The following SLC35A5 variants were observed in gnomAD, a reference collection of about 807,000 sequenced individuals.
SLC35A5 encodes the protein solute carrier family 35 member A5.
A neutral mutation model predicts 36.3 loss-of-function variants in SLC35A5; 28 were observed. That is an observed-to-expected ratio of 0.77 (90% confidence interval 0.57 to 1.06). The LOEUF (loss-of-function observed/expected upper bound fraction) is 1.06, where lower values mean the gene tolerates loss of function less well. Among genes scored for constraint, SLC35A5 ranks in the 50% least tolerant of loss-of-function variants. SLC35A5 has a pLI of 0.00. For missense variants in SLC35A5, 521 were observed against 499.3 expected (o/e 1.04, Z -0.41); for synonymous variants, 180 against 173.7 (o/e 1.04, Z -0.29).
chr3:112,581,758 G>A (rs1472363764), intron 6 of SLC35A5, among the ~76,000 whole-genome samples: 1 of 152,172 alleles, frequency 6.6e-6, no homozygotes. Context: ...TGTGAGAGAA[G>A]TTGGCCTTTC....
intron 2 of SLC35A5, chr3:112,564,507 G>A (rs1262947544): frequency 6.6e-6 from 1 of 152,192 alleles, no homozygotes; most frequent in East Asian, 1.9e-4. Flanking sequence ...TATACAATCG[G>A]GTTTTACTCC....
At chr3:112,561,582 T>C, upstream of SLC35A5, 1 of 1,564,820 alleles carries the variant, frequency 6.4e-7, no homozygotes, top group Non-Finnish European at 8.7e-7. Context: ...TGCAGCCGTG[T>C]CAGGGGCCAG....
chr3:112,561,658 ACGGGACGCGACGCGACGGGACGGG>A (rs1168336277), upstream of SLC35A5: 1 of 887,038 alleles, frequency 1.1e-6, no homozygotes, highest in Admixed American at 2.6e-5. Flanking sequence ...ACCCGAGGGG[ACGGGACGCGACGCGACGGGACGGG>A]CGGGACGAGG....
At chr3:112,580,497 G>C in intron 5 of SLC35A5, 49 bp from the exon 6 acceptor site, 1 of 1,522,726 alleles carries the variant, frequency 6.6e-7, no homozygotes, top group South Asian at 1.3e-5. Flanking sequence ...AGAAACTATT[G>C]ATATGGGGGG....
Position 112,570,548 on chromosome 3 carries a change from A to C in SLC35A5, c.238A>C (p.Ser80Arg). The C allele has an allele frequency of 6.2e-7, 1 of 1,606,002 alleles. No individual in the cohort carries two copies. Among genetic ancestry groups the C allele is most frequent in the Non-Finnish European group, 8.5e-7 (1 of 1,177,568 alleles). The change falls in exon 4 of 7, where the codon AGT (serine) becomes CGT (arginine). Residue 80 changes from serine (S) to arginine (R), a missense_variant. Physicochemically the swap from Ser to Arg is moderately radical, Grantham distance 110. Coordinates refer to ENST00000492406, the MANE Select transcript of SLC35A5 (RefSeq NM_017945.5). The stretch of plus-strand genomic sequence containing the variant: ...CCGTGTTTCTTTCTAAGATCATCAA[A>C]GTAGAAATTTGAAATATGCTTCCTG... Reference protein sequence around the residue: ...SFCVIKKDHQSRNLKYASWKE... With the variant: ...SFCVIKKDHQRRNLKYASWKE...
chr3:112,563,273 T>A, intron 1 of SLC35A5, 112 bp from the exon 2 acceptor site: 1 of 863,148 alleles, frequency 1.2e-6, no homozygotes, highest in Non-Finnish European at 1.6e-6. Flanking sequence ...TTGGTGCTGA[T>A]ATAGTCATAG....
intron 4 of SLC35A5, among the ~76,000 whole-genome samples, chr3:112,573,373 T>C (rs1188844750): frequency 6.6e-6 from 1 of 152,214 alleles, no homozygotes; most frequent in African/African-American, 2.4e-5. Context: ...TAGAACAACT[T>C]GAATCAGTGC....
intron 6 of SLC35A5, among the ~76,000 whole-genome samples, 182 bp from the exon 7 acceptor site, chr3:112,582,489 A>C (rs1293941594): frequency 6.6e-6 from 1 of 152,108 alleles, no homozygotes; most frequent in East Asian, 1.9e-4. Context: ...AGTACACTTC[A>C]CTTTTTTATC....
rs552197932 is a variant in SLC35A5, at chr3:112,585,124, G to T, written c.*2388G>T. On this transcript the variant is annotated 3_prime_UTR_variant, in exon 7 of 7. Transcript: ENST00000492406. ...AAATGACTCGCAGTTCTGCATGGCTGGGGAGGAGGCCTCAGGAAACTCACA... is the reference window on the plus strand; with the variant it reads ...AAATGACTCGCAGTTCTGCATGGCTTGGGAGGAGGCCTCAGGAAACTCACA... The T allele has an allele frequency of 1.3e-3, 193 of 152,238 alleles. No homozygotes were observed. Among genetic ancestry groups the T allele is most frequent in the Non-Finnish European group, 2.0e-3 (137 of 68,050 alleles). 9.4% of individuals were successfully genotyped at this position (152,238 alleles called of 1,614,324 possible).
intron 6 of SLC35A5, 138 bp downstream of exon 6, chr3:112,581,464 C>CA (rs1934923869): frequency 2.2e-6 from 2 of 901,942 alleles, no homozygotes; most frequent in Non-Finnish European, 3.3e-6. Context: ...AATCAACAAA[C>CA]ATTCCTTTTA....
chr3:112,567,999 T>A (rs35349986), intron 2 of SLC35A5, among the ~76,000 whole-genome samples: 10,181 of 152,154 alleles, frequency 0.067, 425 homozygotes, highest in Admixed American at 0.12. Flanking sequence ...AATGATGGGG[T>A]AAAGTTGAAC....
In SLC35A5 at chr3:112,569,214, A is replaced by G. The variant is rs1230966858; in HGVS notation, c.174A>G (p.Ser58=). 9 of 1,613,902 alleles carry G rather than the reference A, an allele frequency of 5.6e-6. No individual in the cohort carries two copies. The highest frequency in any genetic ancestry group is 3.3e-5 in the South Asian group (3 of 91,052). Residue 58 remains serine, a synonymous_variant, in exon 3 of 7, where the codon TCA becomes TCG. Transcript: ENST00000492406. ...DYLPTTVNVC[S]ELVKLVFCVL... is the part of the protein sequence containing the mutation. ...TTCCAACTACTGTGAATGTGTGCTCAGAACTGGTGAAGCTAGTTTTCTGTG... is the reference window on the plus strand; with the variant it reads ...TTCCAACTACTGTGAATGTGTGCTCGGAACTGGTGAAGCTAGTTTTCTGTG...
chr3:112,581,439 T>A (rs1293728543), intron 6 of SLC35A5, 113 bp downstream of exon 6: 1 of 1,128,058 alleles, frequency 8.9e-7, no homozygotes, highest in African/African-American at 1.6e-5. Flanking sequence ...ATTGGATCTC[T>A]GACTTTTAAA....
chr3:112,577,126 A>G (rs1392067318), intron 5 of SLC35A5, among the ~76,000 whole-genome samples: 5 of 152,050 alleles, frequency 3.3e-5, no homozygotes, highest in African/African-American at 1.2e-4. Flanking sequence ...ATTCTTAAAA[A>G]GAATATGAGG....
chr3:112,571,829 CAT>C (rs1292217076), intron 4 of SLC35A5, among the ~76,000 whole-genome samples: 3 of 151,338 alleles, frequency 2.0e-5, no homozygotes, highest in African/African-American at 7.3e-5. Flanking sequence ...TGGCCCTTGA[CAT>C]ATGGGGATTA....
chr3:112,566,047 A>C (rs1934183299), intron 2 of SLC35A5, among the ~76,000 whole-genome samples: 1 of 152,246 alleles, frequency 6.6e-6, no homozygotes, highest in South Asian at 2.1e-4. Context: ...GCCATAGGTG[A>C]TGAAGACTAA....
In SLC35A5 at chr3:112,570,660, A is replaced by G. The variant is rs745554317; in HGVS notation, c.350A>G (p.Tyr117Cys). 2 of 1,572,880 alleles carry G rather than the reference A, an allele frequency of 1.3e-6. No homozygotes were observed. The highest frequency in any genetic ancestry group is 8.6e-7 in the Non-Finnish European group (1 of 1,162,904). The change falls in exon 4 of 7, where the codon TAT becomes TGT. Residue 117 changes from tyrosine to cysteine, a missense_variant. Tyr to Cys is a radical substitution (Grantham distance 194, BLOSUM62 -2). Transcript: ENST00000492406. ...DNLIVFYVLS[Y>C]LQPAMAVIFS... ...TTGATTGTCTTCTATGTCCTGTCCT[A>G]TCTTCAACCAGTAAGTAAATATGAA...
intron 2 of SLC35A5, among the ~76,000 whole-genome samples, chr3:112,566,434 A>T (rs1428655161): frequency 2.0e-5 from 3 of 152,230 alleles, no homozygotes; most frequent in Admixed American, 2.0e-4. Context: ...ATTTGGGGAC[A>T]TTAATGTCAA....
Position 112,582,770 on chromosome 3 carries a change from C to G in SLC35A5, c.*34C>G. ...CACATAGTTTGCAGCTCTCTTGAAC[C>G]TTATTTTCACATTTTCAGTGTTTGT... On this transcript the variant is annotated 3_prime_UTR_variant, in exon 7 of 7. Transcript: ENST00000492406. 6.7e-7 allele frequency: 1 copy of G among 1,486,116 alleles called. No homozygotes were observed. 92.1% of individuals were successfully genotyped at this position (1,486,116 alleles called of 1,614,324 possible).
Sources: allele counts gnomAD v4.1 joint callset (sites outside exome capture counted in the v4.1 genomes callset), GRCh38; gene constraint gnomAD v4.1.1; transcripts MANE v1.5; gene names NCBI Gene and HGNC (gene_info 2026-07-23, HGNC 2026-07-21).